The following C1orf21 variants were observed in gnomAD, a reference collection of about 807,000 sequenced individuals.
C1orf21 encodes the protein chromosome 1 open reading frame 21, also known as uncharacterized protein C1orf21.
In C1orf21, 3 loss-of-function variants were observed where a neutral mutation model predicts 18.7. The ratio of observed to expected loss-of-function variants is 0.16; its 90% CI spans 0.07 to 0.42. The LOEUF is 0.42. C1orf21 is among the 10% of genes least tolerant of loss of function. The pLI is 0.99. For synonymous variants in C1orf21, 41 were observed against 46.4 expected (o/e 0.88, Z 0.47); for missense variants, 104 against 143.6 (o/e 0.72, Z 1.41).
chr1:184,440,609 T>A (rs930261409), intron 1 of C1orf21, among the ~76,000 whole-genome samples: 1 of 151,870 alleles, frequency 6.6e-6, no homozygotes, highest in Non-Finnish European at 1.5e-5. Flanking sequence ...GGAAATCCAA[T>A]GATTCTAAAA....
At chr1:184,391,833 G>T (rs1655975158) in intron 1 of C1orf21, among the ~76,000 whole-genome samples, 1 of 151,850 alleles carries the variant, frequency 6.6e-6, no homozygotes, top group Non-Finnish European at 1.5e-5. Context: ...TCAGCCTCCT[G>T]AGTAGCTGGG....
chr1:184,480,992 TCTC>T (rs1176677054), intron 2 of C1orf21, among the ~76,000 whole-genome samples: 1 of 152,032 alleles, frequency 6.6e-6, no homozygotes, highest in African/African-American at 2.4e-5. Context: ...CTTGAGGCAA[TCTC>T]CTTGTGGGAG....
At chr1:184,444,937 A>G (rs1394996376) in intron 1 of C1orf21, among the ~76,000 whole-genome samples, 1 of 152,136 alleles carries the variant, frequency 6.6e-6, no homozygotes, top group South Asian at 2.1e-4. Flanking sequence ...CAGCGTATTA[A>G]CACCTGGGAT....
At chr1:184,447,213 G>A (rs2224030) in intron 1 of C1orf21, among the ~76,000 whole-genome samples, 10,161 of 152,134 alleles carry the variant, frequency 0.067, 1,110 homozygotes, top group African/African-American at 0.23. Flanking sequence ...TTTATACTAG[G>A]CATTCTTGGC....
At chr1:184,619,491 A>G (rs1659882511) in intron 5 of C1orf21, 27 bp from the exon 6 acceptor site, 2 of 1,609,760 alleles carry the variant, frequency 1.2e-6, no homozygotes, top group Non-Finnish European at 1.7e-6. Context: ...TCTCATTCAC[A>G]TGCTCTTTTT....
At chr1:184,534,475 T>C (rs1658517026) in intron 3 of C1orf21, among the ~76,000 whole-genome samples, 1 of 152,232 alleles carries the variant, frequency 6.6e-6, no homozygotes, top group African/African-American at 2.4e-5. Context: ...TTCTGCACCA[T>C]AGATGATTTG....
At chr1:184,571,189 T>C (rs1225222366) in intron 3 of C1orf21, among the ~76,000 whole-genome samples, 7 of 146,756 alleles carry the variant, frequency 4.8e-5, no homozygotes, top group African/African-American at 1.0e-4. Context: ...CCCAGCTACT[T>C]GGGAGGCTGA....
intron 1 of C1orf21, among the ~76,000 whole-genome samples, chr1:184,462,007 A>T (rs1372149014): frequency 1.3e-5 from 2 of 152,216 alleles, no homozygotes; most frequent in African/African-American, 2.4e-5. Context: ...AGTGAGATGG[A>T]TGAGCTGATA....
At chr1:184,518,664 G>A (rs1658263886) in intron 3 of C1orf21, among the ~76,000 whole-genome samples, 1 of 151,970 alleles carries the variant, frequency 6.6e-6, no homozygotes, top group Non-Finnish European at 1.5e-5. Context: ...CCATATTCAG[G>A]TGAACACAGT....
rs1360352168 is a variant in C1orf21, at chr1:184,410,642, TATATATATATATATA to T, written c.-125+23275_-125+23289del. Among the ~76,000 whole-genome samples the T allele has an allele frequency of 2.4e-3, 13 of 5,380 alleles. 4 individuals are homozygous for T. The highest frequency in any genetic ancestry group is 0.019 in the East Asian group (3 of 154). The allele number at this position is 5,380 out of a possible 152,430, so 3.5% of individuals were successfully genotyped here. On this transcript the variant is annotated intron_variant, in intron 1 of 5. Transcript: ENST00000235307. ...TTATATATATATATATATATATATA[TATATATATATATATA>T]TATATATTTTTTTTTTTTTTTTTTG...
intron 2 of C1orf21, among the ~76,000 whole-genome samples, chr1:184,485,544 G>A (rs1016360938): frequency 6.6e-6 from 1 of 152,166 alleles, no homozygotes; most frequent in African/African-American, 2.4e-5. Context: ...GGATCTAAGA[G>A]AAAAGGAGTT....
intron 3 of C1orf21, among the ~76,000 whole-genome samples, chr1:184,552,226 T>G (rs970681075): frequency 6.6e-6 from 1 of 152,142 alleles, no homozygotes; most frequent in Non-Finnish European, 1.5e-5. Flanking sequence ...ACACAGATTT[T>G]TAAATGGGCA....
At chr1:184,521,459 G>A (rs576104582) in intron 3 of C1orf21, among the ~76,000 whole-genome samples, 1 of 152,192 alleles carries the variant, frequency 6.6e-6, no homozygotes, top group African/African-American at 2.4e-5. Flanking sequence ...GAAGGAATGA[G>A]CTACCAAGCC....
chr1:184,585,059 A>G (rs1243329675), intron 3 of C1orf21, among the ~76,000 whole-genome samples: 1 of 152,260 alleles, frequency 6.6e-6, no homozygotes, highest in Non-Finnish European at 1.5e-5. Context: ...GGAATTTTAT[A>G]GAATGTAAAT....
rs386368968 is a variant in C1orf21 at position 184,584,133 on chromosome 1, C to CTTT, written c.190-6586_190-6584dup. Among the ~76,000 whole-genome samples the CTTT allele has an allele frequency of 5.8e-3, 660 of 113,212 alleles. 9 individuals are homozygous for CTTT. The highest frequency in any genetic ancestry group is 0.018 in the African/African-American group (538 of 29,456). The allele number at this position is 113,212 out of a possible 152,430, so 74.3% of individuals were successfully genotyped here. On this transcript the variant is annotated intron_variant, in intron 3 of 5. Transcript: ENST00000235307. ...GTTGGTTTGTTTGCTTGTTCTTCTT[C>CTTT]TTTTTTTTTTTTTTTTTTTTTTAAG...
intron 2 of C1orf21, among the ~76,000 whole-genome samples, chr1:184,488,477 A>G (rs1208093110): frequency 6.6e-6 from 1 of 152,222 alleles, no homozygotes; most frequent in East Asian, 1.9e-4. Context: ...TGCCCCAGTG[A>G]TTGTAATGGG....
chr1:184,427,033 G>C (rs992501147), intron 1 of C1orf21, among the ~76,000 whole-genome samples: 1 of 152,110 alleles, frequency 6.6e-6, no homozygotes, highest in Non-Finnish European at 1.5e-5. Context: ...CCCAGGGCTG[G>C]TGAAGGTAAG....
At chr1:184,462,285 G>A (rs777105252) in intron 1 of C1orf21, among the ~76,000 whole-genome samples, 15 of 152,258 alleles carry the variant, frequency 9.9e-5, no homozygotes, top group Non-Finnish European at 1.6e-4. Context: ...GGCTAATTTG[G>A]GTTTTTCCAA....
At chr1:184,567,439 T>A (rs1480754598) in intron 3 of C1orf21, 1 of 540,224 alleles carries the variant, frequency 1.9e-6, no homozygotes, top group Non-Finnish European at 3.8e-6. Flanking sequence ...TCTCTCCAGA[T>A]GCCTTTTTCC....
Sources: gnomAD v4.1 joint callset for allele counts (sites outside exome capture counted in the v4.1 genomes callset) on GRCh38, gnomAD v4.1.1 for gene constraint, MANE v1.5 for transcripts, NCBI Gene and HGNC (gene_info 2026-07-23, HGNC 2026-07-21) for gene names.